EPM2A: variants seen among roughly 807,000 people sequenced by gnomAD.
The protein encoded by EPM2A is EPM2A glucan phosphatase, laforin.
A neutral mutation model predicts 26.5 loss-of-function variants in EPM2A; 21 were observed. That is an observed-to-expected ratio of 0.79 (90% CI 0.56 to 1.14). EPM2A has a LOEUF of 1.14. Ranked by LOEUF, EPM2A falls within the 50% of genes most tolerant of loss-of-function variation. The probability of loss-of-function intolerance (pLI) is 0.00; values close to 1 mark genes in which losing one functional copy is unlikely to be tolerated. For synonymous variants in EPM2A, 217 were observed against 177.6 expected (o/e 1.22, Z -1.76); for missense variants, 458 against 440.8 (o/e 1.04, Z -0.35).
At chr6:145,672,045 A>G (rs1779681267) in intron 2 of EPM2A, among the ~76,000 whole-genome samples, 1 of 152,228 alleles carries the variant, frequency 6.6e-6, no homozygotes, top group Non-Finnish European at 1.5e-5. Context: ...TGCATGAAAA[A>G]TAATTCTATT....
intron 4 of EPM2A, among the ~76,000 whole-genome samples, chr6:145,484,825 TG>T (rs1304424241): frequency 6.6e-6 from 1 of 151,564 alleles, no homozygotes; most frequent in Non-Finnish European, 1.5e-5. Flanking sequence ...CCCCAAGTCA[TG>T]GCTGCCTATC....
chr6:145,396,075 G>T (rs760968495), intron 4 of EPM2A, among the ~76,000 whole-genome samples: 6 of 152,316 alleles, frequency 3.9e-5, no homozygotes, highest in African/African-American at 1.4e-4. Flanking sequence ...TGAAGAGCCT[G>T]TTAAGAACGA....
chr6:145,400,689 G>A (rs756511877), intron 4 of EPM2A, among the ~76,000 whole-genome samples: 7 of 152,132 alleles, frequency 4.6e-5, no homozygotes, highest in Non-Finnish European at 8.8e-5. Flanking sequence ...TGGAACATAG[G>A]CAACATCCAT....
At chr6:145,385,357 A>G (rs775020666) in intron 4 of EPM2A, among the ~76,000 whole-genome samples, 1 of 120,396 alleles carries the variant, frequency 8.3e-6, no homozygotes, top group Non-Finnish European at 1.8e-5. Flanking sequence ...TTCCTTAAAT[A>G]TAAAGCTCAT....
chr6:145,627,752 G>A, intron 3 of EPM2A, 59 bp from the exon 4 acceptor site: 5 of 1,591,210 alleles, frequency 3.1e-6, no homozygotes, highest in Non-Finnish European at 4.3e-6. Flanking sequence ...TACCGCCGCT[G>A]AGGTCTCCTC....
chr6:145,405,318 A>G (rs1365113227), intron 4 of EPM2A, among the ~76,000 whole-genome samples: 1 of 152,110 alleles, frequency 6.6e-6, no homozygotes, highest in Non-Finnish European at 1.5e-5. Context: ...TCTGATGACA[A>G]CTAGTCTTCT....
rs543014712 is a variant in EPM2A, at chr6:145,645,810, T to G, written c.477-10324A>C. 1.1e-3 allele frequency among the ~76,000 whole-genome samples: 169 copies of G among 152,248 alleles called. 2 individuals are homozygous for G. The highest frequency in any genetic ancestry group is 1.0e-3 in the Non-Finnish European group (71 of 68,010). On this transcript the variant is annotated intron_variant, in intron 2 of 3. Transcript: ENST00000367519. ...GGTTTCGCCATGTTGCCCAGGCTGG[T>G]CTTGAACTCATGAGCTCAAGCGATC...
At chr6:145,390,598 G>A (rs892103010) in intron 4 of EPM2A, among the ~76,000 whole-genome samples, 10 of 104,942 alleles carry the variant, frequency 9.5e-5, no homozygotes, top group Non-Finnish European at 2.2e-4. Context: ...TCTTTCTCTC[G>A]CTCCCGCTCA....
At chr6:145,462,610 A>T (rs562639580) in intron 4 of EPM2A, among the ~76,000 whole-genome samples, 1 of 152,278 alleles carries the variant, frequency 6.6e-6, no homozygotes, top group East Asian at 1.9e-4. Flanking sequence ...TATGACTCCC[A>T]CAGATGTCAG....
chr6:145,715,448 G>C (rs1207260713), intron 1 of EPM2A, among the ~76,000 whole-genome samples: 1 of 152,176 alleles, frequency 6.6e-6, no homozygotes, highest in Non-Finnish European at 1.5e-5. Context: ...GGTAGGAAGT[G>C]ATCTTTTTCT....
At chr6:145,621,407 C>T (rs766368681), downstream of EPM2A, among the ~76,000 whole-genome samples, 1 of 152,110 alleles carries the variant, frequency 6.6e-6, no homozygotes, top group Non-Finnish European at 1.5e-5. Context: ...CATGGAAGTG[C>T]AGAAATTTCT....
intron 2 of EPM2A, among the ~76,000 whole-genome samples, chr6:145,602,655 G>C (rs1348571054): frequency 6.6e-6 from 1 of 152,184 alleles, no homozygotes; most frequent in African/African-American, 2.4e-5. Context: ...ATTCCTCCCA[G>C]AGTGCCTCAA....
chr6:145,443,273 A>G (rs901405527), intron 4 of EPM2A, among the ~76,000 whole-genome samples: 1 of 152,164 alleles, frequency 6.6e-6, no homozygotes. Context: ...GAAGAATGAC[A>G]TTGGTAGTTT....
chr6:145,618,871 A>C (rs559416181), intron 2 of EPM2A, among the ~76,000 whole-genome samples: 2 of 152,218 alleles, frequency 1.3e-5, no homozygotes, highest in Admixed American at 6.5e-5. Flanking sequence ...AGTATATTTG[A>C]AGTAGAAAGG....
rs1472184224 is a variant in EPM2A, at chr6:145,627,075, C to T, written c.*341G>A. ...AGAGTTTCAGTGCAACAGGAAAGTG[C>T]TGTCACGGATCCATCGTGCAACACA... On this transcript the variant is annotated 3_prime_UTR_variant, in exon 4 of 4. Coordinates refer to ENST00000367519, the MANE Select transcript of EPM2A (RefSeq NM_005670.4). 1.7e-6 allele frequency: 2 copies of T among 1,200,432 alleles called. No individual in the cohort carries two copies. Among genetic ancestry groups the T allele is most frequent in the Non-Finnish European group, 2.1e-6 (2 of 957,664 alleles). The allele number at this position is 1,200,432 out of a possible 1,614,324, so 74.4% of individuals were successfully genotyped here.
intron 1 of EPM2A, among the ~76,000 whole-genome samples, chr6:145,711,488 T>C (rs1775320193): frequency 6.6e-6 from 1 of 152,134 alleles, no homozygotes; most frequent in South Asian, 2.1e-4. Context: ...GTAAAAGTCT[T>C]GTAGACAAGA....
intron 4 of EPM2A, among the ~76,000 whole-genome samples, chr6:145,458,946 A>C (rs1779295884): frequency 6.6e-6 from 1 of 152,154 alleles, no homozygotes; most frequent in Non-Finnish European, 1.5e-5. Flanking sequence ...CCAGACAGAC[A>C]TTCTTCATAG....
intron 1 of EPM2A, 86 bp from the exon 2 acceptor site, chr6:145,686,382 C>A (rs1780916158): frequency 3.8e-6 from 4 of 1,062,280 alleles, no homozygotes; most frequent in Admixed American, 3.7e-5. Context: ...AAATTAATAG[C>A]AAGAAAAAAA....
chr6:145,644,537 T>C (rs4896833), intron 2 of EPM2A, among the ~76,000 whole-genome samples: 1 of 151,862 alleles, frequency 6.6e-6, no homozygotes, highest in Non-Finnish European at 1.5e-5. Context: ...TTAAATGGTT[T>C]AAAACTGACA....
Sources: allele counts gnomAD v4.1 joint callset (sites outside exome capture counted in the v4.1 genomes callset), GRCh38; gene constraint gnomAD v4.1.1; transcripts MANE v1.5; gene names NCBI Gene and HGNC (gene_info 2026-07-23, HGNC 2026-07-21).